ANKRD62: variants seen among roughly 807,000 people sequenced by gnomAD.
ANKRD62 encodes the protein ankyrin repeat domain 62, also known as ankyrin repeat domain-containing protein 62.
Under a neutral mutation model 98.8 loss-of-function variants are expected in ANKRD62, and 61 were observed. The ratio of observed to expected loss-of-function variants is 0.62; its 90% CI spans 0.50 to 0.76. The LOEUF (loss-of-function observed/expected upper bound fraction) is 0.76, where lower values mean the gene tolerates loss of function less well. ANKRD62 is among the 30% of genes least tolerant of loss of function. The pLI is 0.00. For missense variants in ANKRD62, 933 were observed against 1,082.9 expected (o/e 0.86, Z 1.94); for synonymous variants, 341 against 367.9 (o/e 0.93, Z 0.84).
intron 8 of ANKRD62, among the ~76,000 whole-genome samples, chr18:12,109,435 C>T (rs1314833746): frequency 2.0e-5 from 3 of 152,152 alleles, no homozygotes; most frequent in Middle Eastern, 3.2e-3. Flanking sequence ...TGTCCCGGGT[C>T]TGCACAGAGC....
intron 7 of ANKRD62, 68 bp downstream of exon 7, chr18:12,103,296 C>T (rs1249242681): frequency 1.1e-6 from 1 of 933,296 alleles, no homozygotes; most frequent in African/African-American, 1.7e-5. Flanking sequence ...AATGAAATTA[C>T]TTTTGGACTA....
chr18:12,130,534 A>G (rs569968135), downstream of ANKRD62, among the ~76,000 whole-genome samples: 36 of 152,224 alleles, frequency 2.4e-4, no homozygotes, highest in East Asian at 6.2e-3. Context: ...CCAAAAGTAG[A>G]TTTTTTCAGA....
chr18:12,103,262 TC>T, intron 7 of ANKRD62, 34 bp downstream of exon 7: 1 of 1,275,378 alleles, frequency 7.8e-7, no homozygotes, highest in Non-Finnish European at 1.0e-6. Flanking sequence ...TTTCTGGTTT[TC>T]TTTGGTAATG....
In ANKRD62 at chr18:12,125,726, C is replaced by G; in HGVS notation, c.1905C>G (p.Leu635=). 1 of 1,543,062 alleles carries G rather than the reference C, an allele frequency of 6.5e-7. No homozygotes were observed. The highest frequency in any genetic ancestry group is 8.7e-7 in the Non-Finnish European group (1 of 1,146,918). Residue 635 remains leucine (L), a synonymous_variant, in exon 13 of 14, where the codon CTC becomes CTG. Coordinates refer to ENST00000587848, the MANE Select transcript of ANKRD62 (RefSeq NM_001277333.2). Reference sequence around the variant, plus strand: ...TTCTGATGGATGAGAATACAATGCTCAATTCTGAGCTACAGAAGGAAAAAC... The same window carrying G: ...TTCTGATGGATGAGAATACAATGCTGAATTCTGAGCTACAGAAGGAAAAAC... ...LNVLMDENTM[L]NSELQKEKQS...
At chr18:12,159,315 G>A in the ANKRD62 span, among the ~76,000 whole-genome samples, 1 of 151,992 alleles carries the variant, frequency 6.6e-6, no homozygotes, top group Non-Finnish European at 1.5e-5. Context: ...TACTGATTTG[G>A]GGGTAATTTT....
At chr18:12,165,886 A>AT in the ANKRD62 span, among the ~76,000 whole-genome samples, 1 of 151,896 alleles carries the variant, frequency 6.6e-6, no homozygotes, top group East Asian at 1.9e-4. Flanking sequence ...ATTGAAGGAT[A>AT]TTTTTGCCAG....
At chr18:12,095,050 G>C in intron 1 of ANKRD62, 121 bp from the exon 2 acceptor site, 1 of 776,606 alleles carries the variant, frequency 1.3e-6, no homozygotes, top group Non-Finnish European at 2.1e-6. Context: ...CACAAGAAAA[G>C]TAACTATTTG....
At chr18:12,139,108 CT>C in the ANKRD62 span, among the ~76,000 whole-genome samples, 2 of 152,032 alleles carry the variant, frequency 1.3e-5, no homozygotes, top group African/African-American at 4.8e-5. Context: ...GGTTATTTTG[CT>C]CGTTAGTTGA....
At position 12,125,810 on chromosome 18, in the gene ANKRD62, C is replaced by A; in HGVS notation, c.1989C>A (p.Ala663=). The change falls in exon 13 of 14, where the codon GCC becomes GCA. Residue 663 remains alanine, a synonymous_variant. Transcript: ENST00000587848. ...CATACCGTTGTAGACTGGCTGCTGC[C>A]CTATGTGATCATGATCAACGTCAGT... The part of the protein sequence containing the change: ...MESYRCRLAA[A]LCDHDQRQSS... 6.5e-7 allele frequency: 1 copy of A among 1,549,468 alleles called. No homozygotes were observed.
chr18:12,116,281 T>C (rs12965571), intron 10 of ANKRD62, among the ~76,000 whole-genome samples: 93,270 of 151,988 alleles, frequency 0.61, 29,056 homozygotes, highest in Middle Eastern at 0.76. Flanking sequence ...AAAAGTGTAC[T>C]ATTTCCATCT....
chr18:12,109,838 A>G (rs1476832897), intron 8 of ANKRD62, among the ~76,000 whole-genome samples: 1 of 152,016 alleles, frequency 6.6e-6, no homozygotes, highest in Non-Finnish European at 1.5e-5. Context: ...AACATCTTTC[A>G]TAGACAATAA....
the ANKRD62 span, among the ~76,000 whole-genome samples, chr18:12,158,851 C>T: frequency 6.6e-6 from 1 of 152,084 alleles, no homozygotes; most frequent in African/African-American, 2.4e-5. Context: ...TTTTATTTAA[C>T]ACACATTTAA....
chr18:12,178,147 G>A, the ANKRD62 span, among the ~76,000 whole-genome samples: 1 of 151,518 alleles, frequency 6.6e-6, no homozygotes, highest in East Asian at 1.9e-4. Context: ...TGAGAGGCCA[G>A]GAGAGCTTCC....
At chr18:12,175,299 A>G in the ANKRD62 span, among the ~76,000 whole-genome samples, 1 of 152,010 alleles carries the variant, frequency 6.6e-6, no homozygotes, top group Non-Finnish European at 1.5e-5. Context: ...AGGGCAGGGT[A>G]GGGCACTGGT....
intron 10 of ANKRD62, among the ~76,000 whole-genome samples, chr18:12,120,599 A>G (rs1909763438): frequency 6.6e-6 from 1 of 152,144 alleles, no homozygotes. Context: ...CTGCATTTTA[A>G]TTGAGGCTTG....
At chr18:12,099,711 G>A in intron 6 of ANKRD62, 29 bp downstream of exon 6, 2 of 1,328,006 alleles carry the variant, frequency 1.5e-6, no homozygotes, top group Non-Finnish European at 2.0e-6. Context: ...AATTCCTCTC[G>A]ATGGTCCTGT....
rs1434025482 is a variant in ANKRD62 at position 12,125,482 on chromosome 18, A to G, written c.1661A>G (p.Glu554Gly). ...SNQNFHTHER[E>G]RDLWQENHLM... ...TAGAATTTTCATACTCATGAAAGAG[A>G]AAGAGACCTGTGGCAGGAAAATCAC... Residue 554 changes from glutamate to glycine, a missense_variant, in exon 13 of 14, where the codon GAA becomes GGA. This residue lies in a region of ANKRD62 where 362 missense variants were observed against 434.5 expected (regional missense o/e 0.83). Transcript: ENST00000587848. The G allele has an allele frequency of 4.8e-6, 7 of 1,471,494 alleles. No individual in the cohort carries two copies. The highest frequency in any genetic ancestry group is 6.2e-6 in the Non-Finnish European group (7 of 1,122,014). The allele number at this position is 1,471,494 out of a possible 1,614,324, so 91.2% of individuals were successfully genotyped here.
chr18:12,132,406 T>C (rs537058509), downstream of ANKRD62, among the ~76,000 whole-genome samples: 1 of 152,240 alleles, frequency 6.6e-6, no homozygotes, highest in East Asian at 1.9e-4. Flanking sequence ...TGCCTTTTGT[T>C]TTCCTCCATT....
intron 5 of ANKRD62, 29 bp downstream of exon 5, chr18:12,097,806 A>G: frequency 1.3e-6 from 2 of 1,532,620 alleles, no homozygotes; most frequent in Non-Finnish European, 1.8e-6. Flanking sequence ...AGTGAACACT[A>G]AATTGAGGTT....
Sources: allele counts gnomAD v4.1 joint callset (sites outside exome capture counted in the v4.1 genomes callset), GRCh38; gene constraint gnomAD v4.1.1; regional missense constraint gnomAD v4.1.1; transcripts MANE v1.5; gene names NCBI Gene and HGNC (gene_info 2026-07-23, HGNC 2026-07-21).